The following FAM227B variants were observed in gnomAD, a reference collection of about 807,000 sequenced individuals.
FAM227B encodes the protein protein FAM227B.
Under a neutral mutation model 73.8 loss-of-function variants are expected in FAM227B, and 88 were observed. The observed-to-expected ratio is 1.19, with a 90% CI of 1.00 to 1.42. The LOEUF is 1.42. Ranked by LOEUF, FAM227B falls within the 40% of genes most tolerant of loss-of-function variation. The probability of loss-of-function intolerance (pLI) is 0.00; values close to 1 mark genes in which losing one functional copy is unlikely to be tolerated. For missense variants in FAM227B, 632 were observed against 590.9 expected (o/e 1.07, Z -0.72); for synonymous variants, 210 against 190.5 (o/e 1.10, Z -0.84).
At chr15:49,396,199 A>G in intron 11 of FAM227B, 2 of 352,256 alleles carry the variant, frequency 5.7e-6, no homozygotes, top group Non-Finnish European at 1.1e-5. Context: ...GCAAGGGGTC[A>G]GGGAGTTCCC....
chr15:49,338,902 C>T (rs1038504121), intron 13 of FAM227B, among the ~76,000 whole-genome samples: 2 of 152,184 alleles, frequency 1.3e-5, no homozygotes, highest in Admixed American at 1.3e-4. Flanking sequence ...GATATCCTTT[C>T]TACCGCTTGA....
At chr15:49,361,409 C>T (rs567063271) in intron 13 of FAM227B, among the ~76,000 whole-genome samples, 79 of 152,246 alleles carry the variant, frequency 5.2e-4, no homozygotes, top group African/African-American at 1.9e-3. Context: ...TCCCTCCTCC[C>T]TCAAGTAGGT....
At chr15:49,476,915 CCGGGCGTGGTGG>C (rs1166115753) in intron 11 of FAM227B, among the ~76,000 whole-genome samples, 16 of 152,070 alleles carry the variant, frequency 1.1e-4, no homozygotes, top group Non-Finnish European at 2.1e-4. Context: ...AAAAAATTAG[CCGGGCGTGGTGG>C]CGGGTGCCTG....
intron 5 of FAM227B, among the ~76,000 whole-genome samples, chr15:49,584,958 T>C (rs903448653): frequency 6.6e-6 from 1 of 152,096 alleles, no homozygotes; most frequent in South Asian, 2.1e-4. Context: ...AAAGGGCTAA[T>C]ATCCAGAATC....
intron 11 of FAM227B, among the ~76,000 whole-genome samples, chr15:49,411,744 G>A (rs1000834411): frequency 3.3e-5 from 5 of 151,998 alleles, no homozygotes; most frequent in East Asian, 1.9e-4. Flanking sequence ...GAAATATGGC[G>A]GAAGTTCTTA....
intron 9 of FAM227B, among the ~76,000 whole-genome samples, chr15:49,563,286 A>G (rs1356103500): frequency 6.6e-6 from 1 of 152,152 alleles, no homozygotes; most frequent in Non-Finnish European, 1.5e-5. Flanking sequence ...CTAACCAGGG[A>G]GGTGAAAGAT....
intron 10 of FAM227B, among the ~76,000 whole-genome samples, chr15:49,518,240 C>T (rs977342706): frequency 6.6e-6 from 1 of 152,168 alleles, no homozygotes; most frequent in African/African-American, 2.4e-5. Context: ...TTAACCTGCA[C>T]TCTCACCAGC....
At chr15:49,480,002 T>C (rs1214602356) in intron 11 of FAM227B, among the ~76,000 whole-genome samples, 1 of 152,206 alleles carries the variant, frequency 6.6e-6, no homozygotes, top group East Asian at 1.9e-4. Context: ...ATAATGTTAA[T>C]TTCTTTATTC....
At chr15:49,550,283 C>T (rs1217199253) in intron 9 of FAM227B, among the ~76,000 whole-genome samples, 230 of 128,974 alleles carry the variant, frequency 1.8e-3, no homozygotes, top group African/African-American at 6.4e-3. Flanking sequence ...TAGGGGCGGC[C>T]GGGCAGAGGC....
intron 11 of FAM227B, among the ~76,000 whole-genome samples, chr15:49,413,091 T>G (rs560891670): frequency 3.7e-4 from 57 of 152,246 alleles, no homozygotes; most frequent in African/African-American, 1.3e-3. Context: ...TCTTTGTCTC[T>G]TACATTGAAT....
intron 5 of FAM227B, among the ~76,000 whole-genome samples, chr15:49,582,890 A>C (rs75867452): frequency 6.6e-6 from 1 of 152,160 alleles, no homozygotes; most frequent in Non-Finnish European, 1.5e-5. Flanking sequence ...GAAAAAAAAA[A>C]GGAATTAAGG....
In FAM227B at chr15:49,558,044, C is replaced by A. The variant is rs916091093; in HGVS notation, c.747+10201G>T. ...GGCTCTGAGTTTCTCCAGGAAGCACCCAGGCTGCAGACTATGTGACCTCCT... is the reference window on the plus strand; with the variant it reads ...GGCTCTGAGTTTCTCCAGGAAGCACACAGGCTGCAGACTATGTGACCTCCT... On this transcript the variant is annotated intron_variant, in intron 9 of 15. Coordinates refer to ENST00000299338, the MANE Select transcript of FAM227B (RefSeq NM_152647.3). Among the ~76,000 whole-genome samples the A allele has an allele frequency of 5.9e-5, 9 of 152,134 alleles. 1 individual carries two copies. Among genetic ancestry groups the A allele is most frequent in the African/African-American group, 2.2e-4 (9 of 41,416 alleles).
intron 10 of FAM227B, among the ~76,000 whole-genome samples, chr15:49,528,458 A>G (rs1327820360): frequency 1.3e-5 from 2 of 151,880 alleles, no homozygotes; most frequent in Non-Finnish European, 2.9e-5. Flanking sequence ...ATTTATGACT[A>G]AGACTTCAAA....
chr15:49,480,195 T>C (rs1443687397), intron 11 of FAM227B, among the ~76,000 whole-genome samples: 1 of 152,250 alleles, frequency 6.6e-6, no homozygotes, highest in African/African-American at 2.4e-5. Flanking sequence ...ATTAAGAATA[T>C]AAGTCTATTC....
chr15:49,526,311 A>C (rs75452278), intron 10 of FAM227B, among the ~76,000 whole-genome samples: 330 of 152,260 alleles, frequency 2.2e-3, no homozygotes, highest in African/African-American at 7.5e-3. Context: ...TTTTGGGTAA[A>C]AAATGAAATT....
intron 11 of FAM227B, among the ~76,000 whole-genome samples, chr15:49,391,491 A>G (rs140374614): frequency 6.6e-6 from 1 of 152,256 alleles, no homozygotes; most frequent in African/African-American, 2.4e-5. Context: ...GACCCCCATC[A>G]GATGGAAAAG....
intron 11 of FAM227B, among the ~76,000 whole-genome samples, chr15:49,403,085 T>C (rs1385631717): frequency 6.6e-6 from 1 of 152,228 alleles, no homozygotes; most frequent in Non-Finnish European, 1.5e-5. Flanking sequence ...TCACATTTAC[T>C]GATTTGTGTA....
rs868811954 is a variant in FAM227B, at chr15:49,549,889, G to A, written c.748-8083C>T. On this transcript the variant is annotated intron_variant, in intron 9 of 15. Coordinates refer to ENST00000299338, the MANE Select transcript of FAM227B (RefSeq NM_152647.3). Reference sequence around the variant, plus strand: ...CAGAGGGGCTCCTCACTTCCCAGACGGGGTGGTTGGCCGGGCGGGGGGCTG... The same window carrying A: ...CAGAGGGGCTCCTCACTTCCCAGACAGGGTGGTTGGCCGGGCGGGGGGCTG... Among the ~76,000 whole-genome samples, 71 of 124,144 alleles carry A rather than the reference G, an allele frequency of 5.7e-4. 1 individual carries two copies. The highest frequency in any genetic ancestry group is 1.5e-3 in the African/African-American group (58 of 39,202). 81.4% of individuals were successfully genotyped at this position (124,144 alleles called of 152,430 possible).
intron 11 of FAM227B, among the ~76,000 whole-genome samples, chr15:49,501,905 G>T (rs1052253367): frequency 6.6e-6 from 1 of 152,202 alleles, no homozygotes; most frequent in African/African-American, 2.4e-5. Flanking sequence ...GTGCATCCCA[G>T]CTGCTTCAGT....
Sources: gnomAD v4.1 joint callset for allele counts (sites outside exome capture counted in the v4.1 genomes callset) on GRCh38, gnomAD v4.1.1 for gene constraint, MANE v1.5 for transcripts, NCBI Gene and HGNC (gene_info 2026-07-23, HGNC 2026-07-21) for gene names.